The following NELL2 variants were observed in gnomAD, a reference collection of about 807,000 sequenced individuals.
NELL2 encodes the protein protein kinase C-binding protein NELL2.
Under a neutral mutation model 109.6 loss-of-function variants are expected in NELL2, and 41 were observed. That is an observed-to-expected ratio of 0.37 (90% CI 0.29 to 0.49). NELL2 has a LOEUF of 0.49. NELL2 is among the 20% of genes least tolerant of loss of function. The pLI, the probability that NELL2 is intolerant of heterozygous loss-of-function variation, is 0.98. For synonymous variants in NELL2, 355 were observed against 344.7 expected (o/e 1.03, Z -0.33); for missense variants, 900 against 1,008.3 (o/e 0.89, Z 1.45).
intron 19 of NELL2, among the ~76,000 whole-genome samples, chr12:44,517,371 TTCTCTCTCTCTCTCTCTCTCTCTC>T (rs71093810): frequency 6.8e-5 from 7 of 102,506 alleles, no homozygotes; most frequent in East Asian, 6.4e-4. Flanking sequence ...ACCAACTACT[TTCTCTCTCTCTCTCTCTCTCTCTC>T]TCTCTCTCTC....
chr12:44,733,331 TAAAG>T (rs1275875633), intron 9 of NELL2, among the ~76,000 whole-genome samples: 1 of 151,862 alleles, frequency 6.6e-6, no homozygotes, highest in Non-Finnish European at 1.5e-5. Flanking sequence ...GATGAATAAA[TAAAG>T]AAAATGTAGT....
chr12:44,539,315 C>T (rs1429575640), intron 15 of NELL2, among the ~76,000 whole-genome samples: 1 of 151,970 alleles, frequency 6.6e-6, no homozygotes, highest in Non-Finnish European at 1.5e-5. Flanking sequence ...AGTTGGTGGA[C>T]TTCTCAGCAA....
chr12:44,775,088 CG>C (rs1301225367), intron 8 of NELL2, among the ~76,000 whole-genome samples: 1 of 152,168 alleles, frequency 6.6e-6, no homozygotes, highest in Non-Finnish European at 1.5e-5. Context: ...GCTGGCTGCT[CG>C]GGCTTCCCAT....
At chr12:44,513,090 T>G (rs1332660276) in intron 19 of NELL2, among the ~76,000 whole-genome samples, 2 of 152,012 alleles carry the variant, frequency 1.3e-5, no homozygotes, top group Non-Finnish European at 2.9e-5. Flanking sequence ...AACCACTATG[T>G]GTCAACCAAA....
chr12:44,587,548 G>A (rs900709571), intron 15 of NELL2, among the ~76,000 whole-genome samples: 1 of 151,876 alleles, frequency 6.6e-6, no homozygotes, highest in Non-Finnish European at 1.5e-5. Flanking sequence ...TAATAATGCT[G>A]GGTAGGATTA....
chr12:44,899,128 C>G (rs536484024), intron 1 of NELL2, among the ~76,000 whole-genome samples: 3 of 152,058 alleles, frequency 2.0e-5, no homozygotes, highest in South Asian at 4.2e-4. Context: ...AAGACCAAAC[C>G]TACATTTGAC....
At chr12:44,543,441 A>AGTCAGAAGATCCCTTAAAAATATAT (rs1942664102) in intron 15 of NELL2, among the ~76,000 whole-genome samples, 1 of 152,192 alleles carries the variant, frequency 6.6e-6, no homozygotes, top group Non-Finnish European at 1.5e-5. Context: ...GAATCATAGC[A>AGTCAGAAGATCCCTTAAAAATATAT]GTCAGAAGAT....
intron 12 of NELL2, among the ~76,000 whole-genome samples, chr12:44,693,402 A>G (rs1201468186): frequency 2.0e-5 from 3 of 152,176 alleles, no homozygotes; most frequent in Admixed American, 6.5e-5. Context: ...CTTTATTGCA[A>G]TATTAGCTTT....
Position 44,672,789 on chromosome 12 carries a change from A to T in NELL2, c.1319-7180T>A, listed in dbSNP as rs11182605. On this transcript the variant is annotated intron_variant, in intron 12 of 19. Transcript: ENST00000429094. ...AATGGAGATGATTGTGCAAGAGTAA[A>T]TTGGCCTTCTAAAAACTGTCTCTCA... 1.2e-3 allele frequency among the ~76,000 whole-genome samples: 184 copies of T among 152,274 alleles called. 3 individuals are homozygous for T. In the East Asian group the frequency reaches 0.026, roughly 22 times the overall value.
In NELL2 at chr12:44,760,445, A is replaced by C. The variant is rs573816510; in HGVS notation, c.994+14302T>G. ...AGAAACAAGAGAAAATTATCCAAAG[A>C]AATTTTTAAAAAGACGAGTGATGGT... On this transcript the variant is annotated intron_variant, in intron 9 of 19. Transcript: ENST00000429094. Among the ~76,000 whole-genome samples the C allele has an allele frequency of 2.7e-3, 416 of 152,278 alleles. 1 individual carries two copies. The highest frequency in any genetic ancestry group is 3.8e-3 in the Non-Finnish European group (261 of 68,006).
intron 3 of NELL2, among the ~76,000 whole-genome samples, chr12:44,801,242 T>C (rs1029664009): frequency 6.6e-6 from 1 of 152,164 alleles, no homozygotes; most frequent in Non-Finnish European, 1.5e-5. Context: ...CCATGATTTA[T>C]TTACATTGCC....
chr12:44,895,997 G>A (rs1299498848), intron 1 of NELL2, among the ~76,000 whole-genome samples: 1 of 152,042 alleles, frequency 6.6e-6, no homozygotes, highest in African/African-American at 2.4e-5. Context: ...TGATTATTTA[G>A]ACTAAGGAAA....
intron 9 of NELL2, among the ~76,000 whole-genome samples, chr12:44,751,980 G>A (rs1194969326): frequency 6.6e-6 from 1 of 151,646 alleles, no homozygotes; most frequent in African/African-American, 2.4e-5. Context: ...TCACAAAAAA[G>A]TGTCATAATG....
intron 11 of NELL2, among the ~76,000 whole-genome samples, chr12:44,705,243 T>G (rs1021463009): frequency 6.6e-6 from 1 of 152,066 alleles, no homozygotes; most frequent in African/African-American, 2.4e-5. Context: ...ATATTATTGG[T>G]ACAACTTAAT....
chr12:44,673,181 C>T (rs543891670), intron 12 of NELL2, among the ~76,000 whole-genome samples: 8 of 152,216 alleles, frequency 5.3e-5, no homozygotes, highest in Non-Finnish European at 1.0e-4. Flanking sequence ...CAAAGAGTTG[C>T]GTTTATGTAC....
chr12:44,575,719 T>C (rs951845336), intron 15 of NELL2, among the ~76,000 whole-genome samples: 2 of 152,246 alleles, frequency 1.3e-5, no homozygotes, highest in Non-Finnish European at 2.9e-5. Flanking sequence ...TACAGTTCAA[T>C]ACATTTTCAT....
chr12:44,700,171 A>G (rs1049738023), intron 12 of NELL2, among the ~76,000 whole-genome samples: 6 of 152,098 alleles, frequency 3.9e-5, no homozygotes, highest in African/African-American at 9.7e-5. Context: ...CTCATCATCT[A>G]CTACCACCAA....
At chr12:44,767,117 G>A (rs949714387) in intron 9 of NELL2, among the ~76,000 whole-genome samples, 3 of 152,114 alleles carry the variant, frequency 2.0e-5, no homozygotes, top group Non-Finnish European at 4.4e-5. Context: ...TCAGACAAAA[G>A]GGGAGGTCAA....
At chr12:44,786,424 G>A (rs560640086) in intron 3 of NELL2, among the ~76,000 whole-genome samples, 65 of 152,292 alleles carry the variant, frequency 4.3e-4, no homozygotes, top group Non-Finnish European at 8.7e-4. Flanking sequence ...TTACATTGTT[G>A]ATGGGAATAT....
Sources: allele counts gnomAD v4.1 joint callset (sites outside exome capture counted in the v4.1 genomes callset), GRCh38; gene constraint gnomAD v4.1.1; transcripts MANE v1.5; gene names NCBI Gene and HGNC (gene_info 2026-07-23, HGNC 2026-07-21).